LHX8: variants seen among roughly 807,000 people sequenced by gnomAD.
LHX8 encodes the protein LIM/homeobox protein Lhx8.
In LHX8, 12 loss-of-function variants were observed where a neutral mutation model predicts 40.3. That is an observed-to-expected ratio of 0.30 (90% confidence interval 0.19 to 0.48). The LOEUF is 0.48. LHX8 is among the 20% of genes least tolerant of loss of function. The probability of loss-of-function intolerance (pLI) is 0.99; values close to 1 mark genes in which losing one functional copy is unlikely to be tolerated. For synonymous variants in LHX8, 179 were observed against 162.0 expected (o/e 1.10, Z -0.80); for missense variants, 344 against 433.7 (o/e 0.79, Z 1.84).
intron 6 of LHX8, among the ~76,000 whole-genome samples, chr1:75,147,547 C>G (rs1231359512): frequency 1.3e-5 from 2 of 152,156 alleles, no homozygotes; most frequent in East Asian, 3.9e-4. Flanking sequence ...GTGGAGAATG[C>G]AATTAATTTT....
downstream of LHX8, among the ~76,000 whole-genome samples, chr1:75,162,290 C>T (rs1648936830): frequency 6.6e-6 from 1 of 151,478 alleles, no homozygotes; most frequent in South Asian, 2.1e-4. Flanking sequence ...ATTTTAAATC[C>T]CTTTGTAGCC....
chr1:75,131,254 G>T (rs889199845), upstream of LHX8: 29 of 182,354 alleles, frequency 1.6e-4, no homozygotes, highest in African/African-American at 6.3e-4. Flanking sequence ...TCGGGAATCC[G>T]AGTTTCCGGA....
intron 1 of LHX8, among the ~76,000 whole-genome samples, chr1:75,129,313 G>A (rs1410683682): frequency 6.6e-6 from 1 of 152,178 alleles, no homozygotes; most frequent in Non-Finnish European, 1.5e-5. Flanking sequence ...GGAAGGGAGA[G>A]GAGGAGGATA....
chr1:75,139,567 AT>A (rs1457870212), intron 3 of LHX8, among the ~76,000 whole-genome samples: 17 of 152,300 alleles, frequency 1.1e-4, no homozygotes, highest in Admixed American at 5.2e-4. Flanking sequence ...TAGGAAAAAA[AT>A]ATAAGGAAAA....
chr1:75,169,755 C>T, the LHX8 span, among the ~76,000 whole-genome samples: 1 of 152,198 alleles, frequency 6.6e-6, no homozygotes, highest in East Asian at 1.9e-4. Flanking sequence ...GAAGGCCAAG[C>T]CCTTGAAAAA....
the LHX8 span, among the ~76,000 whole-genome samples, chr1:75,186,723 A>G: frequency 6.6e-6 from 1 of 152,134 alleles, no homozygotes; most frequent in Non-Finnish European, 1.5e-5. Flanking sequence ...TTGAAAGGCC[A>G]TGTAGCTGTG....
intron 2 of LHX8, 148 bp downstream of exon 2, chr1:75,136,837 T>TGGGGGGGGGGG: frequency 2.6e-6 from 1 of 380,950 alleles, no homozygotes; most frequent in East Asian, 5.8e-5. Flanking sequence ...CTGGGTGGGG[T>TGGGGGGGGGGG]GGGAAGCTTA....
the LHX8 span, among the ~76,000 whole-genome samples, chr1:75,189,493 A>G: frequency 1.3e-5 from 2 of 152,314 alleles, no homozygotes; most frequent in East Asian, 1.9e-4. Context: ...CATGCAGCTG[A>G]TATGTACAAT....
chr1:75,131,279 C>G (rs895745392), upstream of LHX8: 1 of 176,206 alleles, frequency 5.7e-6, no homozygotes, highest in East Asian at 1.3e-4. Context: ...GCCTGAGCAC[C>G]GCAGAACCTC....
At chr1:75,180,081 C>T in the LHX8 span, among the ~76,000 whole-genome samples, 1 of 152,174 alleles carries the variant, frequency 6.6e-6, no homozygotes. Context: ...ATAGCCTTCC[C>T]TTTGTGGGTA....
intron 7 of LHX8, among the ~76,000 whole-genome samples, chr1:75,150,529 T>C (rs1399541627): frequency 6.6e-6 from 1 of 152,004 alleles, no homozygotes; most frequent in Non-Finnish European, 1.5e-5. Context: ...AGAGGTGCTA[T>C]TTAAATGGGA....
At chr1:75,192,676 C>T in the LHX8 span, among the ~76,000 whole-genome samples, 1 of 149,962 alleles carries the variant, frequency 6.7e-6, no homozygotes, top group African/African-American at 2.5e-5. Flanking sequence ...TACATTGTGT[C>T]CAGGCGCTAT....
At chr1:75,165,146 T>C (rs556202852), downstream of LHX8, among the ~76,000 whole-genome samples, 5 of 152,332 alleles carry the variant, frequency 3.3e-5, no homozygotes, top group Admixed American at 2.6e-4. Context: ...CCTGGCACTC[T>C]ATCATATTCT....
At chr1:75,136,050 TC>T (rs1648115215) in intron 1 of LHX8, among the ~76,000 whole-genome samples, 1 of 152,220 alleles carries the variant, frequency 6.6e-6, no homozygotes, top group Non-Finnish European at 1.5e-5. Context: ...CTTTCAAGTA[TC>T]CTATTAAACC....
chr1:75,188,413 C>A, the LHX8 span, among the ~76,000 whole-genome samples: 1 of 152,156 alleles, frequency 6.6e-6, no homozygotes, highest in Non-Finnish European at 1.5e-5. Flanking sequence ...TCTAGTCCAG[C>A]CTTCAGGAAC....
intron 7 of LHX8, among the ~76,000 whole-genome samples, chr1:75,152,323 T>C (rs1648633238): frequency 6.6e-6 from 1 of 152,186 alleles, no homozygotes; most frequent in Non-Finnish European, 1.5e-5. Context: ...AGACTGTCCT[T>C]ATACTGAAGT....
At chr1:75,156,780 G>T in intron 7 of LHX8, 113 bp from the exon 8 acceptor site, 1 of 921,720 alleles carries the variant, frequency 1.1e-6, no homozygotes, top group Non-Finnish European at 1.8e-6. Flanking sequence ...ACATTTATGC[G>T]GTGCTTGTGT....
Position 75,157,059 on chromosome 1 carries a change from T to C in LHX8, c.947T>C (p.Leu316Pro). ...CAAGATGGAACGATGTTAACTGCGC[T>C]GCATAGTTATATGGATGGTAGGTAT... ...VPQDGTMLTALHSYMDAHSPT... is the reference protein window; with the variant it reads ...VPQDGTMLTAPHSYMDAHSPT... The change falls in exon 8 of 9, where the codon CTG (leucine) becomes CCG (proline). Residue 316 changes from leucine (L) to proline (P), a missense_variant. By Grantham distance (98) the Leu-to-Pro change is moderately conservative. Transcript: ENST00000356261. The C allele has an allele frequency of 6.2e-7, 1 of 1,614,190 alleles. No homozygotes were observed. Among genetic ancestry groups the C allele is most frequent in the Non-Finnish European group, 8.5e-7 (1 of 1,180,006 alleles).
intron 1 of LHX8, among the ~76,000 whole-genome samples, chr1:75,136,220 A>C (rs1648121593): frequency 1.3e-5 from 2 of 149,822 alleles, no homozygotes; most frequent in African/African-American, 4.9e-5. Flanking sequence ...ACTGCCCCGC[A>C]CCCCCTTTAG....
Sources: gnomAD v4.1 joint callset for allele counts (sites outside exome capture counted in the v4.1 genomes callset) on GRCh38, gnomAD v4.1.1 for gene constraint, MANE v1.5 for transcripts, NCBI Gene and HGNC (gene_info 2026-07-23, HGNC 2026-07-21) for gene names.